The following ATG2A variants were observed in gnomAD, a reference collection of about 807,000 sequenced individuals.
ATG2A encodes autophagy related 2A.
A neutral mutation model predicts 214.2 loss-of-function variants in ATG2A; 103 were observed. That is an observed-to-expected ratio of 0.48 (90% CI 0.41 to 0.57). ATG2A has a LOEUF of 0.57. Among genes scored for constraint, ATG2A ranks in the 20% least tolerant of loss-of-function variants. The pLI, the probability that ATG2A is intolerant of heterozygous loss-of-function variation, is 0.00. For missense variants in ATG2A, 2,312 were observed against 2,613.2 expected (o/e 0.88, Z 2.51); for synonymous variants, 1,160 against 1,142.1 (o/e 1.02, Z -0.32).
At chr11:64,904,932 C>T (rs1944489259) in intron 24 of ATG2A, among the ~76,000 whole-genome samples, 1 of 152,106 alleles carries the variant, frequency 6.6e-6, no homozygotes, top group Non-Finnish European at 1.5e-5. Context: ...CTTCGCTCAC[C>T]GTAACCTCCG....
At chr11:64,896,998 C>A in intron 37 of ATG2A, 129 bp from the exon 38 acceptor site, 1 of 1,314,500 alleles carries the variant, frequency 7.6e-7, no homozygotes, top group African/African-American at 1.5e-5. Flanking sequence ...GTGGTCCCAC[C>A]CAGTCATGTG....
Position 64,900,993 on chromosome 11 carries a change from G to T in ATG2A, c.4219C>A (p.Arg1407=), listed in dbSNP as rs748851991. ...SRPIGSTDLL[R]APAHFPVPST... Reference sequence around the variant, plus strand: ...GGCACTGGGAAATGGGCAGGTGCCCGCAGCAAGTCCGTGCTGCCGATCGGC... The same window carrying T: ...GGCACTGGGAAATGGGCAGGTGCCCTCAGCAAGTCCGTGCTGCCGATCGGC... The change falls in exon 30 of 41, where the codon CGG becomes AGG. Residue 1407 remains arginine, a synonymous_variant. Transcript: ENST00000377264. The T allele has an allele frequency of 6.3e-7, 1 of 1,589,394 alleles. No homozygotes were observed. The highest frequency in any genetic ancestry group is 8.6e-7 in the Non-Finnish European group (1 of 1,168,184).
rs771430150 is a variant in ATG2A at position 64,916,945 on chromosome 11, A to C, written c.171+20T>G. On this transcript the variant is annotated intron_variant, in intron 1 of 40. Transcript: ENST00000377264. ...GCTCCCACCCTCCGCACCTTCCTGG[A>C]CTCGGGCCTGGCTCCTCACCCAGAT... 6.2e-7 allele frequency: 1 copy of C among 1,611,714 alleles called. No individual in the cohort carries two copies. Among genetic ancestry groups the C allele is most frequent in the South Asian group, 1.1e-5 (1 of 90,982 alleles).
Position 64,912,377 on chromosome 11 carries a change from G to T in ATG2A, c.872C>A (p.Pro291Gln). 6.4e-7 allele frequency: 1 copy of T among 1,560,356 alleles called. No individual in the cohort carries two copies. Among genetic ancestry groups the T allele is most frequent in the Non-Finnish European group, 8.7e-7 (1 of 1,152,826 alleles). Residue 291 changes from proline (P) to glutamine (Q), a missense_variant, in exon 7 of 41, where the codon CCG (proline) becomes CAG (glutamine). By Grantham distance (76) the Pro-to-Gln change is moderately conservative (BLOSUM62 -1). Transcript: ENST00000377264. ...QLGSLHLLLT[P>Q]RQLQQLQELL... ...TTCCTGAAGTTGCTGGAGCTGCCTC[G>T]GGGTCAGGAGCAGGTGCAGGGAGCC...
chr11:64,900,618 C>G lies in ATG2A; in HGVS notation c.4340G>C (p.Gly1447Ala). 1 of 1,606,564 alleles carries G rather than the reference C, an allele frequency of 6.2e-7. No homozygotes were observed. The highest frequency in any genetic ancestry group is 8.5e-7 in the Non-Finnish European group (1 of 1,176,274). The stretch of plus-strand genomic sequence containing the variant: ...AGGGGAGCTCCTGGGACCTGAGAGG[C>G]CAGTTCTTGCCCTGGGAAGAGGGAC... Reference protein sequence around the residue: ...GPHPGHRARTGLSGPRSSPSR... With the variant: ...GPHPGHRARTALSGPRSSPSR... Residue 1447 changes from glycine (G) to alanine (A), a missense_variant, in exon 31 of 41, where the codon GGC becomes GCC. Coordinates refer to ENST00000377264, the MANE Select transcript of ATG2A (RefSeq NM_015104.3).
chr11:64,896,794 G>A lies in ATG2A; in HGVS notation c.5226C>T (p.Pro1742=), dbSNP rs756694584. 8.7e-6 allele frequency: 14 copies of A among 1,614,206 alleles called. No individual in the cohort carries two copies. The highest frequency in any genetic ancestry group is 2.2e-5 in the East Asian group (1 of 44,888). Residue 1742 remains proline (P), a synonymous_variant, in exon 38 of 41, where the codon CCC becomes CCT. Coordinates refer to ENST00000377264, the MANE Select transcript of ATG2A (RefSeq NM_015104.3). ...WLQDIRKNQL[P]GLLGGVGPMH... ...TGGGGCCCACGCCTCCCAGCAGGCC[G>A]GGCAGCTGGTTCTTGCGGATGTCCT...
Position 64,910,098 on chromosome 11 carries a change from C to A in ATG2A, c.1805G>T (p.Arg602Leu), listed in dbSNP as rs1177560509. Residue 602 changes from arginine (R) to leucine (L), a missense_variant, in exon 13 of 41, where the codon CGG (arginine) becomes CTG (leucine). Transcript: ENST00000377264. ...GGCCAGGCGCAGTAGGGCGGCCAGCCGGTCCAGGGCCCCCAGCTCCACGTC... is the reference window on the plus strand; with the variant it reads ...GGCCAGGCGCAGTAGGGCGGCCAGCAGGTCCAGGGCCCCCAGCTCCACGTC... ...QADVELGALD[R>L]LAALLRLATV... 6.2e-7 allele frequency: 1 copy of A among 1,610,384 alleles called. No homozygotes were observed. The highest frequency in any genetic ancestry group is 1.1e-5 in the South Asian group (1 of 90,944).
Position 64,907,580 on chromosome 11 carries a change from G to A in ATG2A, c.2592C>T (p.Gly864=). 6.2e-7 allele frequency: 1 copy of A among 1,606,124 alleles called. No individual in the cohort carries two copies. Among genetic ancestry groups the A allele is most frequent in the Non-Finnish European group, 8.5e-7 (1 of 1,176,986 alleles). Residue 864 remains glycine (G), a synonymous_variant, in exon 18 of 41, where the codon GGC becomes GGT. Transcript: ENST00000377264. ...DPAAQPSGFP[G]PSGFWHDSFK... ...AGCTGTCGTGCCAGAAGCCTGAGGG[G>A]CCGGGGAAGCCCGAGGGCTGGGCGG...
chr11:64,907,759 G>A lies in ATG2A; in HGVS notation c.2496C>T (p.Ser832=), dbSNP rs1224506274. Residue 832 remains serine (S), a synonymous_variant, in exon 17 of 41, where the codon AGC becomes AGT. Coordinates refer to ENST00000377264, the MANE Select transcript of ATG2A (RefSeq NM_015104.3). ...CCCCGGGTCTCCACCTGTTGTAGATGCTCTCGTAGACCTCCTTGCTGGGCA... is the reference window on the plus strand; with the variant it reads ...CCCCGGGTCTCCACCTGTTGTAGATACTCTCGTAGACCTCCTTGCTGGGCA... ...IFLPSKEVYE[S]IYNRINNDLL... 3 of 1,613,248 alleles carry A rather than the reference G, an allele frequency of 1.9e-6. No homozygotes were observed. Among genetic ancestry groups the A allele is most frequent in the Non-Finnish European group, 2.5e-6 (3 of 1,179,974 alleles).
intron 6 of ATG2A, 64 bp from the exon 7 acceptor site, chr11:64,912,487 C>T: frequency 7.3e-7 from 1 of 1,363,900 alleles, no homozygotes; most frequent in Non-Finnish European, 9.9e-7. Context: ...AGAGCTACCA[C>T]CCGCCTGCCC....
At chr11:64,904,221 G>A (rs145198985) in intron 24 of ATG2A, among the ~76,000 whole-genome samples, 661 of 151,884 alleles carry the variant, frequency 4.4e-3, no homozygotes, top group Non-Finnish European at 7.7e-3. Flanking sequence ...ACTCTAGCCT[G>A]GGCGACAGAG....
In ATG2A at chr11:64,910,675, C is replaced by T. The variant is rs371317178; in HGVS notation, c.1648G>A (p.Ala550Thr). The part of the protein sequence containing the change: ...LTFPGTLGSQ[A>T]SARPCAHLRH... ...AGATGGGCGCAGGGCCGAGCTGAGG[C>T]CTGGGAGCCCAGCGTACCAGGAAAG... Residue 550 changes from alanine (A) to threonine (T), a missense_variant, in exon 12 of 41, where the codon GCC (alanine) becomes ACC (threonine). By Grantham distance (58) the Ala-to-Thr change is moderately conservative. Coordinates refer to ENST00000377264, the MANE Select transcript of ATG2A (RefSeq NM_015104.3). 1 of 1,610,240 alleles carries T rather than the reference C, an allele frequency of 6.2e-7. No homozygotes were observed. The highest frequency in any genetic ancestry group is 1.3e-5 in the African/African-American group (1 of 74,830).
In ATG2A at chr11:64,896,535, C is replaced by T; in HGVS notation, c.5354G>A (p.Gly1785Glu). The T allele has an allele frequency of 6.2e-7, 1 of 1,613,966 alleles. No individual in the cohort carries two copies. Among genetic ancestry groups the T allele is most frequent in the Non-Finnish European group, 8.5e-7 (1 of 1,179,930 alleles). The change falls in exon 39 of 41, where the codon GGG becomes GAG. Residue 1785 changes from glycine (G) to glutamate (E), a missense_variant. By Grantham distance (98) the Gly-to-Glu change is moderately conservative. Coordinates refer to ENST00000377264, the MANE Select transcript of ATG2A (RefSeq NM_015104.3). ...TGTGGATGAGCCAAAGGAGGCAGCC[C>T]CTCGCTGCAGCCCCCGCATGAGGCG... ...DGRLMRGLQR[G>E]AASFGSSTAS...
In ATG2A at chr11:64,896,599, G is replaced by C; in HGVS notation, c.5290C>G (p.Leu1764Val). The C allele has an allele frequency of 6.2e-7, 1 of 1,613,942 alleles. No individual in the cohort carries two copies. Among genetic ancestry groups the C allele is most frequent in the Non-Finnish European group, 8.5e-7 (1 of 1,179,880 alleles). ...VVQLFQGFRDLLWLPIEQYRK... is the reference protein window; with the variant it reads ...VVQLFQGFRDVLWLPIEQYRK... ...TACTGCTCAATGGGCAGCCACAGCA[G>C]GTCCCGGAACCCTTGGACTAGGGGG... The change falls in exon 39 of 41, where the codon CTG becomes GTG. Residue 1764 changes from leucine to valine, a missense_variant. Transcript: ENST00000377264.
rs375501089 is a variant in ATG2A at position 64,896,459 on chromosome 11, C to A, written c.5427+3G>T. 8 of 1,608,978 alleles carry A rather than the reference C, an allele frequency of 5.0e-6. No homozygotes were observed. The highest frequency in any genetic ancestry group is 6.8e-6 in the Non-Finnish European group (8 of 1,177,630). ...ACAGCCCAGATACAGGGCACCCACT[C>A]ACCTGGATAGCCTGTACCAACCGGT... On this transcript the variant is annotated splice_donor_region_variant and intron_variant, in intron 39 of 40. Coordinates refer to ENST00000377264, the MANE Select transcript of ATG2A (RefSeq NM_015104.3).
chr11:64,898,982 C>T lies in ATG2A; in HGVS notation c.4465-140G>A, dbSNP rs1590624845. 4.1e-6 allele frequency: 3 copies of T among 735,762 alleles called. No individual in the cohort carries two copies. The highest frequency in any genetic ancestry group is 1.8e-5 in the African/African-American group (1 of 56,486). 45.6% of individuals were successfully genotyped at this position (735,762 alleles called of 1,614,324 possible). A position where few individuals can be genotyped will look rare whatever the true frequency, so the allele number is the denominator to read the frequency against. On this transcript the variant is annotated intron_variant, in intron 31 of 40. Transcript: ENST00000377264. The surrounding 1 kb of genome is among the most constrained non-coding windows in gnomAD (Gnocchi z 4.5). ...AGGTTGGAGTGCAGTGGCGTGATCTCGGCTCACTGCAACCTCTGCCTCTCG... is the reference window on the plus strand; with the variant it reads ...AGGTTGGAGTGCAGTGGCGTGATCTTGGCTCACTGCAACCTCTGCCTCTCG...
Position 64,909,555 on chromosome 11 carries a change from A to T in ATG2A, c.2107+126T>A. The T allele has an allele frequency of 2.7e-6, 4 of 1,503,002 alleles. No individual in the cohort carries two copies. The South Asian group carries it at 3.8e-5, about 14-fold the overall frequency. 93.1% of individuals were successfully genotyped at this position (1,503,002 alleles called of 1,614,324 possible). ...CGGGGACAGGCAGTGCTGGGACCCC[A>T]AGAGCTGGTAAAGGCCTGGGCCAGG... On this transcript the variant is annotated intron_variant, in intron 14 of 40. Coordinates refer to ENST00000377264, the MANE Select transcript of ATG2A (RefSeq NM_015104.3).
In ATG2A at chr11:64,899,766, C is replaced by T. The variant is rs1944285230; in HGVS notation, c.4464+728G>A. Reference sequence around the variant, plus strand: ...CTCTCCTCAAAAGCCCTGAGGGGTTCGTCTCTTGTAAGACTCAAAAGAAAC... The same window carrying T: ...CTCTCCTCAAAAGCCCTGAGGGGTTTGTCTCTTGTAAGACTCAAAAGAAAC... On this transcript the variant is annotated intron_variant, in intron 31 of 40. Transcript: ENST00000377264. 2.6e-5 allele frequency among the ~76,000 whole-genome samples: 4 copies of T among 152,116 alleles called. No individual in the cohort carries two copies. In the South Asian group the frequency reaches 8.3e-4, roughly 32 times the overall value.
At chr11:64,906,019 C>T in intron 22 of ATG2A, 94 bp downstream of exon 22, 1 of 1,455,294 alleles carries the variant, frequency 6.9e-7, no homozygotes, top group East Asian at 2.5e-5. Flanking sequence ...AGTCCATGTT[C>T]CTCCCACCGG....
Sources: allele counts gnomAD v4.1 joint callset (sites outside exome capture counted in the v4.1 genomes callset), GRCh38; gene constraint gnomAD v4.1.1; non-coding constraint Gnocchi (gnomAD v3.1); transcripts MANE v1.5; gene names NCBI Gene and HGNC (gene_info 2026-07-23, HGNC 2026-07-21).